Variants in CPD observed in about 807,000 individuals in gnomAD.
CPD encodes carboxypeptidase D.
Under a neutral mutation model 138.3 loss-of-function variants are expected in CPD, and 69 were observed. The observed-to-expected ratio is 0.50, with a 90% CI of 0.41 to 0.61. The LOEUF (loss-of-function observed/expected upper bound fraction) is 0.61. Ranked by LOEUF, CPD falls within the 20% of genes least tolerant of loss-of-function variation. CPD has a pLI of 0.00. For synonymous variants in CPD, 651 were observed against 642.1 expected (o/e 1.01, Z -0.21); for missense variants, 1,432 against 1,733.3 (o/e 0.83, Z 3.09).
chr17:30,396,095 G>A (rs953030574), intron 2 of CPD, among the ~76,000 whole-genome samples: 2 of 152,000 alleles, frequency 1.3e-5, no homozygotes. Flanking sequence ...ATCTCAGAAA[G>A]TACAAAATTA....
chr17:30,397,635 G>A (rs1486511118), intron 2 of CPD, among the ~76,000 whole-genome samples: 5 of 151,246 alleles, frequency 3.3e-5, no homozygotes, highest in Non-Finnish European at 7.4e-5. Context: ...CTACTCAGGA[G>A]GCTAAGGTGG....
chr17:30,446,483 T>A (rs1348715520), intron 12 of CPD, among the ~76,000 whole-genome samples: 1 of 152,234 alleles, frequency 6.6e-6, no homozygotes. Flanking sequence ...GCTTCATCCA[T>A]GTCCCTACAA....
rs376246870 is a variant in CPD, at chr17:30,385,185, G to A, written c.943G>A (p.Glu315Lys). 1.2e-5 allele frequency: 19 copies of A among 1,613,860 alleles called. No homozygotes were observed. The highest frequency in any genetic ancestry group is 1.7e-5 in the Admixed American group (1 of 59,988). ...GEPHCPGDED[E>K]TFKDGITNGA... ...GCCTCATTGTCCAGGAGATGAAGAC[G>A]AGACTTTCAAAGATGGAATCACAAA... Residue 315 changes from glutamate to lysine, a missense_variant, in exon 2 of 21, where the codon GAG (glutamate) becomes AAG (lysine). Transcript: ENST00000225719.
intron 2 of CPD, among the ~76,000 whole-genome samples, chr17:30,403,304 G>A (rs1190089875): frequency 6.6e-6 from 1 of 152,052 alleles, no homozygotes; most frequent in Non-Finnish European, 1.5e-5. Context: ...CTGGGTGCTG[G>A]GCAGTAACCT....
At chr17:30,403,187 G>C (rs1268299203) in intron 2 of CPD, among the ~76,000 whole-genome samples, 2 of 152,210 alleles carry the variant, frequency 1.3e-5, no homozygotes, top group African/African-American at 4.8e-5. Context: ...TCAGCTGCAA[G>C]TTTTGACTCG....
intron 2 of CPD, among the ~76,000 whole-genome samples, chr17:30,387,339 G>A (rs939283243): frequency 3.3e-5 from 5 of 152,016 alleles, no homozygotes; most frequent in East Asian, 1.9e-4. Context: ...GGCTGGTCTC[G>A]AACTCCTGAC....
rs1405995610 is a variant in CPD at position 30,449,585 on chromosome 17, G to C, written c.2906G>C (p.Trp969Ser). 1 of 1,599,856 alleles carries C rather than the reference G, an allele frequency of 6.3e-7. No individual in the cohort carries two copies. The highest frequency in any genetic ancestry group is 8.5e-7 in the Non-Finnish European group (1 of 1,176,542). Residue 969 changes from tryptophan (W) to serine (S), a missense_variant, in exon 13 of 21, where the codon TGG becomes TCG. Physicochemically the swap from Trp to Ser is radical, Grantham distance 177 (BLOSUM62 -3). Transcript: ENST00000225719. ...LGQSTEYRHI[W>S]SLEISNKPNV... ...CAGAGCACTGAATATCGTCACATTT[G>C]GTCCCTTGAAATCTCCAATAAGCCC...
chr17:30,412,022 G>A (rs1403504391), intron 2 of CPD, among the ~76,000 whole-genome samples: 1 of 152,102 alleles, frequency 6.6e-6, no homozygotes, highest in Non-Finnish European at 1.5e-5. Flanking sequence ...CTTTGATGTT[G>A]GTGACCTACA....
chr17:30,424,513 C>T (rs535845114), intron 6 of CPD, among the ~76,000 whole-genome samples: 72 of 152,248 alleles, frequency 4.7e-4, no homozygotes, highest in Non-Finnish European at 7.8e-4. Context: ...GCCTATTGAG[C>T]GGGGCCTTAG....
In CPD at chr17:30,388,339, C is replaced by T. The variant is rs1477136309; in HGVS notation, c.994+3103C>T. Among the ~76,000 whole-genome samples, 5 of 152,304 alleles carry T rather than the reference C, an allele frequency of 3.3e-5. No homozygotes were observed. In the East Asian group the frequency reaches 9.7e-4, roughly 29 times the overall value. ...GGACCCCCTCCCTTATACCCAGGAG[C>T]TAGTCTGCCTCTTGCTGCTTTCCAT... is the stretch of plus-strand genomic sequence containing the variant. On this transcript the variant is annotated intron_variant, in intron 2 of 20. Coordinates refer to ENST00000225719, the MANE Select transcript of CPD (RefSeq NM_001304.5).
rs898120020 is a variant in CPD, at chr17:30,423,418, A to G, written c.1658-88A>G. ...ATACATGTTTAAAAAATTTTTTAGTATAGGATTTATATATGTTGCGGAAAA... is the reference window on the plus strand; with the variant it reads ...ATACATGTTTAAAAAATTTTTTAGTGTAGGATTTATATATGTTGCGGAAAA... On this transcript the variant is annotated intron_variant, in intron 5 of 20. Transcript: ENST00000225719. 8.0e-6 allele frequency: 8 copies of G among 996,424 alleles called. No homozygotes were observed. The East Asian group carries it at 8.7e-5, about 11-fold the overall frequency. 61.7% of individuals were successfully genotyped at this position (996,424 alleles called of 1,614,324 possible).
intron 7 of CPD, among the ~76,000 whole-genome samples, chr17:30,430,174 A>G (rs1912523031): frequency 6.6e-6 from 1 of 152,164 alleles, no homozygotes; most frequent in South Asian, 2.1e-4. Context: ...AAGTTTACAT[A>G]ATTCCAGTGG....
intron 8 of CPD, among the ~76,000 whole-genome samples, chr17:30,437,382 A>G (rs1435085727): frequency 2.0e-5 from 3 of 152,228 alleles, no homozygotes; most frequent in Non-Finnish European, 2.9e-5. Context: ...TAAAAAAATG[A>G]GATCTAAAAG....
intron 8 of CPD, among the ~76,000 whole-genome samples, chr17:30,435,881 T>C (rs1169728640): frequency 1.3e-5 from 2 of 152,154 alleles, no homozygotes; most frequent in Non-Finnish European, 2.9e-5. Context: ...CTGGCAACCA[T>C]TGGCATTCCT....
rs770260672 is a variant in CPD, at chr17:30,455,501, G to A, written c.3337+31G>A. 10 of 1,588,302 alleles carry A rather than the reference G, an allele frequency of 6.3e-6. No individual in the cohort carries two copies. The East Asian group carries it at 1.8e-4, about 29-fold the overall frequency. ...TAGAATGTCATTTTATATATATACT[G>A]TTTAAGCTTAGGTAGCAAATCCCAA... On this transcript the variant is annotated intron_variant, in intron 15 of 20. Coordinates refer to ENST00000225719, the MANE Select transcript of CPD (RefSeq NM_001304.5).
intron 20 of CPD, 64 bp downstream of exon 20, chr17:30,462,533 T>C: frequency 1.8e-6 from 2 of 1,092,580 alleles, no homozygotes; most frequent in Non-Finnish European, 2.8e-6. Context: ...AATATGAGAG[T>C]GGGTCACCTC....
intron 12 of CPD, 67 bp from the exon 13 acceptor site, chr17:30,449,486 G>A: frequency 7.3e-7 from 1 of 1,369,322 alleles, no homozygotes; most frequent in Non-Finnish European, 9.9e-7. Flanking sequence ...TATTTTTAAA[G>A]TCCATAAGTC....
rs550961071 is a variant in CPD, at chr17:30,391,038, C to T, written c.994+5802C>T. Among the ~76,000 whole-genome samples the T allele has an allele frequency of 6.7e-4, 101 of 151,612 alleles. 1 individual carries two copies. The South Asian group carries it at 0.012, about 18-fold the overall frequency. Reference sequence around the variant, plus strand: ...AGAAACAGGGTTTTACCATGTTGGTCAAGCTGGTCTTGAATTCCAGACCTC... The same window carrying T: ...AGAAACAGGGTTTTACCATGTTGGTTAAGCTGGTCTTGAATTCCAGACCTC... On this transcript the variant is annotated intron_variant, in intron 2 of 20. Transcript: ENST00000225719.
chr17:30,448,306 T>G (rs1347444808), intron 12 of CPD, among the ~76,000 whole-genome samples: 1 of 151,938 alleles, frequency 6.6e-6, no homozygotes, highest in Non-Finnish European at 1.5e-5. Flanking sequence ...CAGTTTACGT[T>G]GAACTATGAT....
Sources: gnomAD v4.1 joint callset for allele counts (sites outside exome capture counted in the v4.1 genomes callset) on GRCh38, gnomAD v4.1.1 for gene constraint, MANE v1.5 for transcripts, NCBI Gene and HGNC (gene_info 2026-07-23, HGNC 2026-07-21) for gene names.